CNTNAP3: variants seen among roughly 807,000 people sequenced by gnomAD.
The protein encoded by CNTNAP3 is contactin associated protein family member 3, also known as contactin-associated protein-like 3.
Under a neutral mutation model 92.1 loss-of-function variants are expected in CNTNAP3, and 36 were observed. That is an observed-to-expected ratio of 0.39 (90% confidence interval 0.30 to 0.52). The LOEUF (loss-of-function observed/expected upper bound fraction) is 0.52, where lower values mean the gene tolerates loss of function less well. Among genes scored for constraint, CNTNAP3 ranks in the 20% least tolerant of loss-of-function variants. The pLI is 0.76. For synonymous variants in CNTNAP3, 232 were observed against 422.3 expected (o/e 0.55, Z 5.53); for missense variants, 534 against 1,069.6 (o/e 0.50, Z 6.98).
chr9:39,118,382 A>G, intron 13 of CNTNAP3, 123 bp from the exon 14 acceptor site: 1 of 1,362,300 alleles, frequency 7.3e-7, no homozygotes, highest in Non-Finnish European at 1.0e-6. Context: ...AGAAAATGAA[A>G]CTATACTTAA....
rs1281797672 is a variant in CNTNAP3, at chr9:39,067,260, C to T, written c.*6630G>A. On this transcript the variant is annotated 3_prime_UTR_variant, in exon 24 of 24. Coordinates refer to ENST00000297668, the MANE Select transcript of CNTNAP3 (RefSeq NM_033655.5). ...TACGGAATATAGTCATAATATTTTTCATTAGTAATTCTAACATCTGGGTAT... is the reference window on the plus strand; with the variant it reads ...TACGGAATATAGTCATAATATTTTTTATTAGTAATTCTAACATCTGGGTAT... Among the ~76,000 whole-genome samples, 6 of 152,302 alleles carry T rather than the reference C, an allele frequency of 3.9e-5. No homozygotes were observed. The highest frequency in any genetic ancestry group is 7.2e-5 in the African/African-American group (3 of 41,486).
chr9:39,078,664 G>C, intron 22 of CNTNAP3, 26 bp downstream of exon 22: 2 of 1,548,142 alleles, frequency 1.3e-6, no homozygotes, highest in Non-Finnish European at 1.7e-6. Context: ...GCAGTTTCAG[G>C]TGCGCAGGGG....
intron 12 of CNTNAP3, among the ~76,000 whole-genome samples, chr9:39,138,073 T>TTGTTGC (rs1165443446): frequency 1.4e-5 from 2 of 142,322 alleles, no homozygotes; most frequent in African/African-American, 4.9e-5. Context: ...GTTGTTGTTG[T>TTGTTGC]AGAGGTGGGG....
intron 9 of CNTNAP3, among the ~76,000 whole-genome samples, chr9:39,150,711 G>C (rs1159266824): frequency 1.6e-5 from 1 of 63,298 alleles, no homozygotes; most frequent in Non-Finnish European, 3.0e-5. Flanking sequence ...TCTATGAATA[G>C]AAAGAGATAA....
chr9:39,092,307 C>CT (rs1826224031), intron 18 of CNTNAP3, among the ~76,000 whole-genome samples: 1 of 144,234 alleles, frequency 6.9e-6, no homozygotes, highest in Admixed American at 6.8e-5. Flanking sequence ...GTTTGCTCTT[C>CT]TTTTTTCAGT....
In CNTNAP3 at chr9:39,086,869, G is replaced by C. The variant is rs1306679879; in HGVS notation, c.3221-20C>G. On this transcript the variant is annotated intron_variant, in intron 19 of 23. Transcript: ENST00000297668. ...AACTTCCTAAAAAGAAAAATAAATG[G>C]CATTTAAAATTAAAGTGGTATTTTA... The C allele has an allele frequency of 1.3e-6, 2 of 1,574,304 alleles. No homozygotes were observed.
chr9:39,120,548 T>C (rs1820993419), intron 13 of CNTNAP3, among the ~76,000 whole-genome samples: 3 of 152,102 alleles, frequency 2.0e-5, no homozygotes, highest in Non-Finnish European at 4.4e-5. Flanking sequence ...CGGGAGCCTG[T>C]AGTCCCAGCT....
intron 12 of CNTNAP3, among the ~76,000 whole-genome samples, chr9:39,137,033 T>C (rs552328316): frequency 0.011 from 1,737 of 151,764 alleles, 40 homozygotes; most frequent in African/African-American, 0.04. Context: ...CTGATACTAA[T>C]TTGTGGGAAT....
chr9:39,085,167 C>A (rs906288728), intron 21 of CNTNAP3: 1 of 146,724 alleles, frequency 6.8e-6, no homozygotes. Flanking sequence ...TTATGATAGA[C>A]AATATGATAG....
At chr9:39,138,481 A>G (rs1357508371) in intron 12 of CNTNAP3, among the ~76,000 whole-genome samples, 1 of 152,232 alleles carries the variant, frequency 6.6e-6, no homozygotes, top group East Asian at 1.9e-4. Flanking sequence ...ACAAAACAAG[A>G]AAACAAAACA....
intron 21 of CNTNAP3, among the ~76,000 whole-genome samples, chr9:39,081,940 A>C (rs1825950111): frequency 6.7e-6 from 1 of 150,108 alleles, no homozygotes; most frequent in East Asian, 2.0e-4. Flanking sequence ...AAAAAAAATT[A>C]GCCGGGCATG....
chr9:39,075,138 G>A (rs537629121), intron 23 of CNTNAP3, among the ~76,000 whole-genome samples: 4 of 152,238 alleles, frequency 2.6e-5, no homozygotes, highest in Non-Finnish European at 4.4e-5. Flanking sequence ...AATATTGCAG[G>A]CATATTTATT....
intron 14 of CNTNAP3, among the ~76,000 whole-genome samples, chr9:39,115,423 T>C (rs2117947052): frequency 1.3e-5 from 2 of 151,600 alleles, no homozygotes; most frequent in Middle Eastern, 3.4e-3. Context: ...ATTCCATTTT[T>C]ATAAACTGAA....
chr9:39,137,900 C>T (rs1821481704), intron 12 of CNTNAP3, among the ~76,000 whole-genome samples: 1 of 151,796 alleles, frequency 6.6e-6, no homozygotes, highest in South Asian at 2.1e-4. Context: ...TTCTCTGTTG[C>T]CCAGGCTAGA....
chr9:39,149,859 C>T lies in CNTNAP3; in HGVS notation c.1596G>A (p.Gly532=), dbSNP rs754300618. 1.6e-5 allele frequency: 25 copies of T among 1,604,198 alleles called. No individual in the cohort carries two copies. Among genetic ancestry groups the T allele is most frequent in the South Asian group, 2.2e-5 (2 of 89,904 alleles). The change falls in exon 10 of 24, where the codon GGG becomes GGA. Residue 532 remains glycine (G), a synonymous_variant. Coordinates refer to ENST00000297668, the MANE Select transcript of CNTNAP3 (RefSeq NM_033655.5). ...GGAGGTCCCTGAAACTCCCCAGCGC[C>T]CCCTGCTGTACTAAGATGGGATCCA... ...KAVDPILVQQ[G]ALGSFRDLQI...
intron 13 of CNTNAP3, among the ~76,000 whole-genome samples, chr9:39,125,511 A>C (rs932472932): frequency 6.6e-6 from 1 of 152,130 alleles, no homozygotes; most frequent in African/African-American, 2.4e-5. Flanking sequence ...GTATGATAAT[A>C]ATAAAATAAA....
intron 23 of CNTNAP3, among the ~76,000 whole-genome samples, chr9:39,076,208 T>G (rs1825757359): frequency 6.6e-6 from 1 of 152,310 alleles, no homozygotes; most frequent in South Asian, 2.1e-4. Context: ...GGTTCTATGA[T>G]CAACTTGCCC....
At chr9:39,134,418 T>G (rs1184696124) in intron 12 of CNTNAP3, among the ~76,000 whole-genome samples, 1 of 150,954 alleles carries the variant, frequency 6.6e-6, no homozygotes, top group African/African-American at 2.5e-5. Context: ...TATTTTAGAT[T>G]TTTTATTTAA....
intron 18 of CNTNAP3, among the ~76,000 whole-genome samples, chr9:39,089,004 A>T (rs571875392): frequency 3.2e-4 from 49 of 152,400 alleles, no homozygotes; most frequent in Middle Eastern, 3.4e-3. Context: ...CCAAATTATT[A>T]ATTTTTAAAC....
Sources: allele counts gnomAD v4.1 joint callset (sites outside exome capture counted in the v4.1 genomes callset), GRCh38; gene constraint gnomAD v4.1.1; transcripts MANE v1.5; gene names NCBI Gene and HGNC (gene_info 2026-07-23, HGNC 2026-07-21).